Variants in LRP5 observed in about 807,000 individuals in gnomAD.
LRP5 encodes LDL receptor related protein 5.
In LRP5, 62 loss-of-function variants were observed where a neutral mutation model predicts 154.1. The observed-to-expected ratio is 0.40, with a 90% CI of 0.33 to 0.50. The LOEUF (loss-of-function observed/expected upper bound fraction) is 0.50. Ranked by LOEUF, LRP5 falls within the 20% of genes least tolerant of loss-of-function variation. The pLI, the probability that LRP5 is intolerant of heterozygous loss-of-function variation, is 0.55. For missense variants in LRP5, 1,915 were observed against 2,336.7 expected (o/e 0.82, Z 3.72); for synonymous variants, 966 against 1,011.5 (o/e 0.96, Z 0.85).
intron 1 of LRP5, among the ~76,000 whole-genome samples, chr11:68,336,973 C>T (rs1458122437): frequency 6.6e-6 from 1 of 152,246 alleles, no homozygotes; most frequent in East Asian, 1.9e-4. Context: ...TCATAGATCT[C>T]TGTCTGTCCT....
Position 68,423,419 on chromosome 11 carries a change from G to A in LRP5, c.3028-70G>A, listed in dbSNP as rs370399146. On this transcript the variant is annotated intron_variant, in intron 13 of 22. Transcript: ENST00000294304. The surrounding 1 kb of genome is among the most constrained non-coding windows in gnomAD (Gnocchi z 4.7). ...CCAGTGCCCGGGGGTCTCCGCCAGT[G>A]CCAGGGGTCTCCGCCAGTGCCCAGG... 81 of 1,449,882 alleles carry A rather than the reference G, an allele frequency of 5.6e-5. No individual in the cohort carries two copies. In the East Asian group the frequency reaches 1.0e-3, roughly 19 times the overall value. 89.8% of individuals were successfully genotyped at this position (1,449,882 alleles called of 1,614,324 possible).
intron 5 of LRP5, among the ~76,000 whole-genome samples, chr11:68,381,336 C>T (rs1183893707): frequency 6.6e-6 from 1 of 152,100 alleles, no homozygotes; most frequent in Non-Finnish European, 1.5e-5. Flanking sequence ...TCACGGGAGC[C>T]CTCTGCAGGT....
At chr11:68,331,894 C>T (rs904880216) in intron 1 of LRP5, among the ~76,000 whole-genome samples, 65 of 151,986 alleles carry the variant, frequency 4.3e-4, no homozygotes, top group Middle Eastern at 3.4e-3. Context: ...CATTGAGAGC[C>T]GAAGCTGGTG....
At chr11:68,370,819 G>C (rs2098633638) in intron 5 of LRP5, among the ~76,000 whole-genome samples, 1 of 152,234 alleles carries the variant, frequency 6.6e-6, no homozygotes, top group Non-Finnish European at 1.5e-5. Flanking sequence ...TGCAGCCAGT[G>C]TGGGGACTGT....
rs552328831 is a variant in LRP5, at chr11:68,386,057, C to T, written c.1016-259C>T. Among the ~76,000 whole-genome samples, 378 of 152,222 alleles carry T rather than the reference C, an allele frequency of 2.5e-3. 1 individual carries two copies. Among genetic ancestry groups the T allele is most frequent in the Admixed American group, 4.2e-3 (65 of 15,298 alleles). On this transcript the variant is annotated intron_variant, in intron 5 of 22. Coordinates refer to ENST00000294304, the MANE Select transcript of LRP5 (RefSeq NM_002335.4). The surrounding 1 kb of genome is among the most constrained non-coding windows in gnomAD (Gnocchi z 7.9). ...GGCCTGGCTGTGTGGCTCTCAGCTG[C>T]GTGCATAACCTCTCAGTGCTTCAGT...
chr11:68,421,711 TGTGTGTGTGTGTG>T (rs760943684), intron 13 of LRP5, among the ~76,000 whole-genome samples: 3,119 of 149,338 alleles, frequency 0.021, 35 homozygotes, highest in Non-Finnish European at 0.033. Flanking sequence ...TGTGTGTGTG[TGTGTGTGTGTGTG>T]GTGTGTGTGT....
chr11:68,414,799 G>A (rs564607166), intron 12 of LRP5, among the ~76,000 whole-genome samples: 1 of 152,340 alleles, frequency 6.6e-6, no homozygotes, highest in Admixed American at 6.5e-5. Context: ...TGCATGGATG[G>A]GGAACTTGAG....
chr11:68,314,964 T>C (rs2098592070), intron 1 of LRP5, among the ~76,000 whole-genome samples: 1 of 152,132 alleles, frequency 6.6e-6, no homozygotes, highest in African/African-American at 2.4e-5. Context: ...TTGGAACCCG[T>C]TTAATTTCAG....
At position 68,385,480 on chromosome 11, in the gene LRP5, T is replaced by G. The variant is rs2098642481; in HGVS notation, c.1016-836T>G. ...ACTGGGGGTCATCACTGTGTTCTGA[T>G]GGCCCAGCTGTGTGGAGGCCGCGGT... On this transcript the variant is annotated intron_variant, in intron 5 of 22. Coordinates refer to ENST00000294304, the MANE Select transcript of LRP5 (RefSeq NM_002335.4). Among the ~76,000 whole-genome samples, 3 of 152,194 alleles carry G rather than the reference T, an allele frequency of 2.0e-5. No individual in the cohort carries two copies. The Middle Eastern group carries it at 0.01, about 518-fold the overall frequency.
In LRP5 at chr11:68,405,105, C is replaced by T. The variant is rs558008420; in HGVS notation, c.1801+1406C>T. On this transcript the variant is annotated intron_variant, in intron 8 of 22. Transcript: ENST00000294304. Reference sequence around the variant, plus strand: ...CCCAGGAGGTAGAGGTTGTAGTGAGCCCGTATCGTACCACTGCCCTCCACC... The same window carrying T: ...CCCAGGAGGTAGAGGTTGTAGTGAGTCCGTATCGTACCACTGCCCTCCACC... 2.6e-5 allele frequency among the ~76,000 whole-genome samples: 4 copies of T among 151,936 alleles called. No homozygotes were observed. In the South Asian group the frequency reaches 6.3e-4, roughly 24 times the overall value.
At chr11:68,430,299 G>T (rs1443840650) in intron 17 of LRP5, among the ~76,000 whole-genome samples, 1 of 152,050 alleles carries the variant, frequency 6.6e-6, no homozygotes. Flanking sequence ...TCAGCCTCCT[G>T]AGTAGCTGGG....
chr11:68,368,591 G>A (rs973072401), intron 5 of LRP5, among the ~76,000 whole-genome samples: 4 of 152,154 alleles, frequency 2.6e-5, no homozygotes, highest in African/African-American at 7.2e-5. Flanking sequence ...TAACGGGCCC[G>A]GCTCGTGTGT....
At chr11:68,300,075 G>GT in the LRP5 span, among the ~76,000 whole-genome samples, 1 of 147,954 alleles carries the variant, frequency 6.8e-6, no homozygotes, top group Admixed American at 6.8e-5. Flanking sequence ...TAGATACAGG[G>GT]TTTCACCATG....
intron 2 of LRP5, among the ~76,000 whole-genome samples, chr11:68,348,892 T>C (rs1295345543): frequency 6.6e-6 from 1 of 151,288 alleles, no homozygotes; most frequent in Admixed American, 6.6e-5. Flanking sequence ...TGCAGTGAGC[T>C]GTGATCCCAC....
intron 1 of LRP5, among the ~76,000 whole-genome samples, chr11:68,314,334 T>A (rs1345368854): frequency 6.6e-6 from 1 of 152,130 alleles, no homozygotes; most frequent in Non-Finnish European, 1.5e-5. Context: ...GAATTATAGC[T>A]GTAGAGTTCA....
At chr11:68,433,295 C>T (rs1225916305) in intron 17 of LRP5, among the ~76,000 whole-genome samples, 2 of 152,328 alleles carry the variant, frequency 1.3e-5, no homozygotes, top group African/African-American at 4.8e-5. Flanking sequence ...TTTGGTGTAG[C>T]GCCTGCTGCT....
rs113280059 is a variant in LRP5, at chr11:68,397,972, TTGTGTG to T, written c.1585-5479_1585-5474del. Among the ~76,000 whole-genome samples the T allele has an allele frequency of 5.9e-3, 845 of 142,192 alleles. 4 individuals carry two copies. The highest frequency in any genetic ancestry group is 0.011 in the African/African-American group (445 of 38,710). 93.3% of individuals were successfully genotyped at this position (142,192 alleles called of 152,430 possible). A position where few individuals can be genotyped will look rare whatever the true frequency, so the allele number is the denominator to read the frequency against. On this transcript the variant is annotated intron_variant, in intron 7 of 22. Coordinates refer to ENST00000294304, the MANE Select transcript of LRP5 (RefSeq NM_002335.4). ...TTTGGCACTGCAGAGCTGTGTGTGTTTGTGTGTGTGTGTGTGTGTGTGTGTGTGTGT... is the reference window on the plus strand; with the variant it reads ...TTTGGCACTGCAGAGCTGTGTGTGTTTGTGTGTGTGTGTGTGTGTGTGTGT...
chr11:68,409,555 C>T (rs1401149695), intron 9 of LRP5, among the ~76,000 whole-genome samples: 3 of 151,926 alleles, frequency 2.0e-5, no homozygotes, highest in African/African-American at 7.2e-5. Context: ...CTACAAAACA[C>T]GCTGGTTCTG....
At chr11:68,335,546 A>C (rs969749068) in intron 1 of LRP5, among the ~76,000 whole-genome samples, 12 of 152,102 alleles carry the variant, frequency 7.9e-5, no homozygotes, top group Non-Finnish European at 1.6e-4. Context: ...CCTGGGTGAC[A>C]GAGTGAGACC....
Sources: allele counts gnomAD v4.1 joint callset (sites outside exome capture counted in the v4.1 genomes callset), GRCh38; gene constraint gnomAD v4.1.1; non-coding constraint Gnocchi (gnomAD v3.1); transcripts MANE v1.5; gene names NCBI Gene and HGNC (gene_info 2026-07-23, HGNC 2026-07-21).